The following TRIM24 variants were observed in gnomAD, a reference collection of about 807,000 sequenced individuals.
TRIM24 encodes the protein tripartite motif containing 24, also known as transcription intermediary factor 1-alpha.
TRIM24 carries 29 observed loss-of-function variants against 123.9 expected under a neutral mutation model. That is an observed-to-expected ratio of 0.23 (90% CI 0.17 to 0.32). TRIM24 has a LOEUF of 0.32. Ranked by LOEUF, TRIM24 falls within the 10% of genes least tolerant of loss-of-function variation. The pLI, the probability that TRIM24 is intolerant of heterozygous loss-of-function variation, is 1.00. For synonymous variants in TRIM24, 456 were observed against 461.1 expected (o/e 0.99, Z 0.14); for missense variants, 932 against 1,295.3 (o/e 0.72, Z 4.31).
chr7:138,574,052 C>T (rs1797708978), intron 12 of TRIM24, among the ~76,000 whole-genome samples: 2 of 152,216 alleles, frequency 1.3e-5, no homozygotes, highest in African/African-American at 4.8e-5. Flanking sequence ...GGATTACAGG[C>T]ATGAGCCATC....
rs1170583680 is a variant in TRIM24 at position 138,586,557 on chromosome 7, T to C, written c.*1606T>C. 6.6e-6 allele frequency: 1 copy of C among 152,076 alleles called. No homozygotes were observed. Among genetic ancestry groups the C allele is most frequent in the Non-Finnish European group, 1.5e-5 (1 of 67,940 alleles). 9.4% of individuals were successfully genotyped at this position (152,076 alleles called of 1,614,324 possible). On this transcript the variant is annotated 3_prime_UTR_variant, in exon 19 of 19. Transcript: ENST00000343526. ...GGTCTTGTTCATAATATGTCAATTATGTATTGTTAAAAAGTCCTACTCACT... is the reference window on the plus strand; with the variant it reads ...GGTCTTGTTCATAATATGTCAATTACGTATTGTTAAAAAGTCCTACTCACT...
chr7:138,514,277 A>T (rs1043963657), intron 2 of TRIM24: 2 of 152,294 alleles, frequency 1.3e-5, no homozygotes, highest in Non-Finnish European at 2.9e-5. Flanking sequence ...GCTTGTCATT[A>T]TACAGAAACA....
chr7:138,497,054 T>G (rs138281062), intron 1 of TRIM24, among the ~76,000 whole-genome samples: 4 of 152,348 alleles, frequency 2.6e-5, no homozygotes, highest in Admixed American at 1.3e-4. Flanking sequence ...TTGTAATGAC[T>G]GTCCAATTTT....
Position 138,488,413 on chromosome 7 carries a change from A to T in TRIM24, c.365-15877A>T, listed in dbSNP as rs144146346. The stretch of plus-strand genomic sequence containing the variant: ...AGCTTTTGAATTTGTTTGCTCTTGC[A>T]TCTCTAGTTCCTTTAATTGTAATGT... On this transcript the variant is annotated intron_variant, in intron 1 of 18. Coordinates refer to ENST00000343526, the MANE Select transcript of TRIM24 (RefSeq NM_015905.3). 8.9e-3 allele frequency among the ~76,000 whole-genome samples: 1,357 copies of T among 152,030 alleles called. 9 individuals carry two copies. Among genetic ancestry groups the T allele is most frequent in the Non-Finnish European group, 0.016 (1,080 of 67,960 alleles).
intron 6 of TRIM24, among the ~76,000 whole-genome samples, chr7:138,534,069 T>C (rs1156665489): frequency 6.6e-6 from 1 of 152,194 alleles, no homozygotes; most frequent in Non-Finnish European, 1.5e-5. Flanking sequence ...ATATCCCCTT[T>C]AACATTTTTT....
chr7:138,566,897 C>T (rs905032893), intron 9 of TRIM24, among the ~76,000 whole-genome samples: 5 of 152,152 alleles, frequency 3.3e-5, no homozygotes, highest in African/African-American at 1.2e-4. Context: ...CAAATCCCAG[C>T]TCCATGCCTT....
intron 2 of TRIM24, chr7:138,514,398 C>T (rs539496533): frequency 6.6e-6 from 1 of 152,168 alleles, no homozygotes; most frequent in Non-Finnish European, 1.5e-5. Flanking sequence ...TGGACAAACA[C>T]CAAAATTGCC....
intron 5 of TRIM24, among the ~76,000 whole-genome samples, chr7:138,526,369 T>G (rs1258359284): frequency 6.6e-6 from 1 of 152,204 alleles, no homozygotes; most frequent in African/African-American, 2.4e-5. Context: ...TGTTTATTAT[T>G]ATGCATTATG....
At chr7:138,565,312 T>G (rs531488214) in intron 9 of TRIM24, among the ~76,000 whole-genome samples, 1 of 152,180 alleles carries the variant, frequency 6.6e-6, no homozygotes, top group Non-Finnish European at 1.5e-5. Flanking sequence ...GTTTGACCAC[T>G]AGTTACACCC....
chr7:138,494,945 G>T (rs920833396), intron 1 of TRIM24, among the ~76,000 whole-genome samples: 16 of 152,144 alleles, frequency 1.1e-4, no homozygotes, highest in African/African-American at 3.9e-4. Flanking sequence ...ACTGGTTGAG[G>T]TACATACCAT....
Position 138,584,998 on chromosome 7 carries a change from C to CA in TRIM24, c.*54dup, listed in dbSNP as rs746672525. 2.0e-6 allele frequency: 3 copies of CA among 1,495,970 alleles called. No individual in the cohort carries two copies. Among genetic ancestry groups the CA allele is most frequent in the Non-Finnish European group, 2.7e-6 (3 of 1,105,678 alleles). 92.7% of individuals were successfully genotyped at this position (1,495,970 alleles called of 1,614,324 possible). A position where few individuals can be genotyped will look rare whatever the true frequency, so the allele number is the denominator to read the frequency against. Reference sequence around the variant, plus strand: ...GCTGGTTTTTAGATTTTTTTGTTTTCAAAAAAACATTTGTCAGTAATTTAA... The same window carrying CA: ...GCTGGTTTTTAGATTTTTTTGTTTTCAAAAAAAACATTTGTCAGTAATTTAA... On this transcript the variant is annotated 3_prime_UTR_variant, in exon 19 of 19. Coordinates refer to ENST00000343526, the MANE Select transcript of TRIM24 (RefSeq NM_015905.3).
chr7:138,563,297 C>A (rs1407184001), intron 9 of TRIM24, among the ~76,000 whole-genome samples: 1 of 152,166 alleles, frequency 6.6e-6, no homozygotes, highest in African/African-American at 2.4e-5. Context: ...GTTTCATAGC[C>A]TCCGCCATTT....
At chr7:138,468,711 C>G (rs1249586860) in intron 1 of TRIM24, among the ~76,000 whole-genome samples, 1 of 152,012 alleles carries the variant, frequency 6.6e-6, no homozygotes, top group East Asian at 1.9e-4. Flanking sequence ...TCTCTCAATC[C>G]CTTAGCAGCT....
chr7:138,468,408 GT>G (rs777569868), intron 1 of TRIM24, among the ~76,000 whole-genome samples: 136 of 152,130 alleles, frequency 8.9e-4, no homozygotes, highest in Non-Finnish European at 1.1e-3. Context: ...AAGGTGAAAT[GT>G]TCTTTGCTTC....
At chr7:138,516,808 G>GTTTTTTTTTTTTTT (rs1224612357) in intron 3 of TRIM24, among the ~76,000 whole-genome samples, 2 of 131,908 alleles carry the variant, frequency 1.5e-5, no homozygotes, top group African/African-American at 5.8e-5. Context: ...TAGCAAAACC[G>GTTTTTTTTTTTTTT]TTTTGTTTTT....
intron 1 of TRIM24, chr7:138,490,796 A>T: frequency 2.0e-6 from 1 of 489,334 alleles, no homozygotes; most frequent in Non-Finnish European, 4.0e-6. Flanking sequence ...TTCCAGTGCT[A>T]TCCGGAATCA....
intron 1 of TRIM24, among the ~76,000 whole-genome samples, chr7:138,470,382 A>G (rs1231294593): frequency 3.3e-5 from 5 of 152,128 alleles, no homozygotes; most frequent in Admixed American, 2.6e-4. Flanking sequence ...CGGCCTCCCA[A>G]AGTGCTGGGA....
At chr7:138,461,285 C>A (rs1019184474) in intron 1 of TRIM24, 4 of 557,378 alleles carry the variant, frequency 7.2e-6, no homozygotes, top group Non-Finnish European at 3.5e-6. Context: ...CCCGCTGCCT[C>A]CACAAAGCTT....
intron 7 of TRIM24, among the ~76,000 whole-genome samples, chr7:138,542,708 C>T (rs1179025078): frequency 1.3e-5 from 2 of 152,140 alleles, no homozygotes. Context: ...TTTCTGTCAC[C>T]TATTCCAAAA....
Sources: gnomAD v4.1 joint callset for allele counts (sites outside exome capture counted in the v4.1 genomes callset) on GRCh38, gnomAD v4.1.1 for gene constraint, MANE v1.5 for transcripts, NCBI Gene and HGNC (gene_info 2026-07-23, HGNC 2026-07-21) for gene names.